The following PAPPA2 variants were observed in gnomAD, a reference collection of about 807,000 sequenced individuals.
PAPPA2 encodes the protein pappalysin 2, also known as pappalysin-2.
A neutral mutation model predicts 176.4 loss-of-function variants in PAPPA2; 86 were observed. That is an observed-to-expected ratio of 0.49 (90% confidence interval 0.41 to 0.58). The LOEUF (loss-of-function observed/expected upper bound fraction) is 0.58, where lower values mean the gene tolerates loss of function less well. Ranked by LOEUF, PAPPA2 falls within the 20% of genes least tolerant of loss-of-function variation. PAPPA2 has a pLI of 0.00. For synonymous variants in PAPPA2, 809 were observed against 852.2 expected (o/e 0.95, Z 0.88); for missense variants, 2,073 against 2,256.9 (o/e 0.92, Z 1.65).
chr1:176,686,746 G>A (rs1252555564), intron 4 of PAPPA2, among the ~76,000 whole-genome samples: 1 of 152,176 alleles, frequency 6.6e-6, no homozygotes, highest in Non-Finnish European at 1.5e-5. Flanking sequence ...ATCCCTCAAA[G>A]CCTGCCTGCA....
At chr1:176,716,022 G>A (rs977048674) in intron 12 of PAPPA2, among the ~76,000 whole-genome samples, 10 of 150,802 alleles carry the variant, frequency 6.6e-5, no homozygotes, top group African/African-American at 2.4e-4. Flanking sequence ...CTTCAAACAG[G>A]TTGAGGTTAA....
intron 21 of PAPPA2, among the ~76,000 whole-genome samples, chr1:176,801,092 C>T (rs1186364877): frequency 1.5e-5 from 2 of 135,564 alleles, no homozygotes; most frequent in South Asian, 4.5e-4. Flanking sequence ...GAGATGCTTA[C>T]ACACACACAC....
At chr1:176,552,320 C>T (rs1651008988) in intron 1 of PAPPA2, among the ~76,000 whole-genome samples, 1 of 151,022 alleles carries the variant, frequency 6.6e-6, no homozygotes, top group African/African-American at 2.4e-5. Context: ...CTCTCCTCCT[C>T]CATCTCTCCC....
intron 1 of PAPPA2, among the ~76,000 whole-genome samples, chr1:176,545,415 AAAATAAATAAATAAATAAAT>A (rs55993766): frequency 5.5e-5 from 8 of 146,346 alleles, no homozygotes; most frequent in Non-Finnish European, 7.5e-5. Context: ...AACCTCAGAA[AAAATAAATAAATAAATAAAT>A]AAATAAATAA....
At chr1:176,735,184 C>T (rs756214602) in intron 12 of PAPPA2, among the ~76,000 whole-genome samples, 6 of 152,126 alleles carry the variant, frequency 3.9e-5, no homozygotes, top group Middle Eastern at 3.4e-3. Flanking sequence ...TCACAATGAG[C>T]GCAGTGGACC....
chr1:176,816,915 G>A (rs1019060649), intron 21 of PAPPA2, among the ~76,000 whole-genome samples: 10 of 152,114 alleles, frequency 6.6e-5, no homozygotes, highest in African/African-American at 2.4e-4. Context: ...CTTCAAGGTG[G>A]TTAACTCCTG....
At chr1:176,829,579 G>T (rs986528071) in intron 21 of PAPPA2, among the ~76,000 whole-genome samples, 11 of 152,196 alleles carry the variant, frequency 7.2e-5, no homozygotes, top group Non-Finnish European at 1.2e-4. Context: ...AGAGACGAAG[G>T]GAAGTTAAGG....
intron 1 of PAPPA2, among the ~76,000 whole-genome samples, chr1:176,549,449 A>G (rs1322518312): frequency 1.3e-5 from 2 of 152,234 alleles, no homozygotes; most frequent in Non-Finnish European, 2.9e-5. Flanking sequence ...TGTGACCTGG[A>G]AGGGAACTTA....
chr1:176,824,252 T>TTGTA (rs1666772674), intron 21 of PAPPA2, among the ~76,000 whole-genome samples: 1 of 152,222 alleles, frequency 6.6e-6, no homozygotes, highest in South Asian at 2.1e-4. Context: ...TGTGTGCTAT[T>TTGTA]TGTATGTGTT....
intron 3 of PAPPA2, among the ~76,000 whole-genome samples, chr1:176,636,411 T>C (rs1656701554): frequency 6.6e-6 from 1 of 152,152 alleles, no homozygotes; most frequent in African/African-American, 2.4e-5. Context: ...TCTGAACTCT[T>C]TCTCAGAGAG....
chr1:176,729,235 A>G (rs1662019515), intron 12 of PAPPA2, among the ~76,000 whole-genome samples: 1 of 152,010 alleles, frequency 6.6e-6, no homozygotes, highest in South Asian at 2.1e-4. Flanking sequence ...ATCGTCTGTT[A>G]AAGCATCCAC....
At chr1:176,768,485 A>G (rs1664077069) in intron 15 of PAPPA2, among the ~76,000 whole-genome samples, 1 of 152,166 alleles carries the variant, frequency 6.6e-6, no homozygotes. Flanking sequence ...TTTATATGGC[A>G]TTCTTTCCAA....
chr1:176,616,492 T>C, intron 3 of PAPPA2: 2 of 861,972 alleles, frequency 2.3e-6, no homozygotes, highest in Non-Finnish European at 3.7e-6. Context: ...TTAACAGCAA[T>C]ATAACAACCA....
intron 14 of PAPPA2, among the ~76,000 whole-genome samples, chr1:176,762,119 G>A (rs368018445): frequency 2.6e-5 from 4 of 152,094 alleles, no homozygotes; most frequent in African/African-American, 4.8e-5. Flanking sequence ...AGAAGCTAAC[G>A]ACCTGACAAA....
At chr1:176,566,150 C>G (rs1573050686) in intron 2 of PAPPA2, among the ~76,000 whole-genome samples, 1 of 152,294 alleles carries the variant, frequency 6.6e-6, no homozygotes, top group East Asian at 1.9e-4. Flanking sequence ...TGTGAACTTT[C>G]TCCTAGATTC....
At chr1:176,729,273 T>C (rs1662021884) in intron 12 of PAPPA2, among the ~76,000 whole-genome samples, 1 of 152,038 alleles carries the variant, frequency 6.6e-6, no homozygotes, top group African/African-American at 2.4e-5. Flanking sequence ...TAGTCTCGAG[T>C]TGATTATAAC....
intron 21 of PAPPA2, among the ~76,000 whole-genome samples, chr1:176,809,792 A>T (rs1666063963): frequency 6.6e-6 from 1 of 152,128 alleles, no homozygotes; most frequent in Non-Finnish European, 1.5e-5. Context: ...AGGCCTGGAA[A>T]TGAGAGGATC....
At chr1:176,503,911 A>G (rs927928069) in intron 1 of PAPPA2, among the ~76,000 whole-genome samples, 1 of 152,214 alleles carries the variant, frequency 6.6e-6, no homozygotes, top group Non-Finnish European at 1.5e-5. Flanking sequence ...TATTTCTTCT[A>G]CAAGTGTATC....
At chr1:176,811,297 G>C (rs551673814) in intron 21 of PAPPA2, among the ~76,000 whole-genome samples, 26 of 152,166 alleles carry the variant, frequency 1.7e-4, no homozygotes, top group African/African-American at 6.0e-4. Flanking sequence ...AACTTCTTTT[G>C]TTTCCTCTTT....
Sources: allele counts gnomAD v4.1 joint callset (sites outside exome capture counted in the v4.1 genomes callset), GRCh38; gene constraint gnomAD v4.1.1; transcripts MANE v1.5; gene names NCBI Gene and HGNC (gene_info 2026-07-23, HGNC 2026-07-21).